The following CREB5 variants were observed in gnomAD, a reference collection of about 807,000 sequenced individuals.
CREB5 encodes cAMP responsive element binding protein 5, also known as cyclic AMP-responsive element-binding protein 5.
CREB5 carries 19 observed loss-of-function variants against 57.1 expected under a neutral mutation model. That is an observed-to-expected ratio of 0.33 (90% CI 0.23 to 0.49). CREB5 has a LOEUF of 0.49. Ranked by LOEUF, CREB5 falls within the 20% of genes least tolerant of loss-of-function variation. The pLI is 0.99. For missense variants in CREB5, 579 were observed against 671.6 expected (o/e 0.86, Z 1.52); for synonymous variants, 238 against 238.3 (o/e 1.00, Z 0.01).
chr7:28,656,191 A>G (rs1799327110), intron 5 of CREB5, among the ~76,000 whole-genome samples: 1 of 152,250 alleles, frequency 6.6e-6, no homozygotes. Flanking sequence ...AAAAAGGCAC[A>G]ATGAACAAAA....
At chr7:28,460,481 T>C (rs2128574853) in intron 1 of CREB5, among the ~76,000 whole-genome samples, 1 of 152,302 alleles carries the variant, frequency 6.6e-6, no homozygotes, top group East Asian at 1.9e-4. Flanking sequence ...GAACTAGAAT[T>C]GAAGCCCAGC....
intron 5 of CREB5, among the ~76,000 whole-genome samples, chr7:28,692,620 A>C (rs1801333534): frequency 6.6e-6 from 1 of 152,108 alleles, no homozygotes; most frequent in South Asian, 2.1e-4. Flanking sequence ...TAACCAGGCC[A>C]ACCTCGGGCA....
chr7:28,313,148 G>A (rs1253203358), intron 1 of CREB5, among the ~76,000 whole-genome samples: 1 of 152,154 alleles, frequency 6.6e-6, no homozygotes, highest in Non-Finnish European at 1.5e-5. Context: ...TTTCTAGTAT[G>A]TACGCAGCTG....
At chr7:28,324,535 T>C (rs924529869) in intron 1 of CREB5, among the ~76,000 whole-genome samples, 2 of 152,204 alleles carry the variant, frequency 1.3e-5, no homozygotes, top group Non-Finnish European at 2.9e-5. Flanking sequence ...AGCTATTCCT[T>C]CTGTCTCCTT....
chr7:28,751,993 T>C (rs1362337448), intron 7 of CREB5, among the ~76,000 whole-genome samples: 1 of 152,230 alleles, frequency 6.6e-6, no homozygotes, highest in East Asian at 1.9e-4. Flanking sequence ...CATGATTAAA[T>C]TGAAGTTATG....
At chr7:28,381,036 C>T (rs1786956834) in intron 1 of CREB5, among the ~76,000 whole-genome samples, 1 of 152,142 alleles carries the variant, frequency 6.6e-6, no homozygotes, top group African/African-American at 2.4e-5. Flanking sequence ...CACAGATGCT[C>T]ATTACATCCC....
chr7:28,525,144 T>A (rs992496338), intron 4 of CREB5, among the ~76,000 whole-genome samples: 4 of 152,210 alleles, frequency 2.6e-5, no homozygotes. Context: ...TCCATGTTGC[T>A]GTAAATGACA....
intron 5 of CREB5, among the ~76,000 whole-genome samples, chr7:28,629,923 A>G (rs1321851210): frequency 3.3e-5 from 5 of 152,208 alleles, no homozygotes; most frequent in African/African-American, 4.8e-5. Context: ...ATAGGCTTCT[A>G]TGGCACATTC....
chr7:28,386,306 G>C (rs1329797461), intron 1 of CREB5, among the ~76,000 whole-genome samples: 1 of 152,116 alleles, frequency 6.6e-6, no homozygotes, highest in African/African-American at 2.4e-5. Flanking sequence ...TTTTCTCTAT[G>C]TAAAATTCTA....
At chr7:28,357,497 A>G (rs186226802) in intron 1 of CREB5, among the ~76,000 whole-genome samples, 150 of 152,276 alleles carry the variant, frequency 9.9e-4, no homozygotes, top group African/African-American at 3.4e-3. Context: ...ATTGGATAAG[A>G]ATTCTATTAA....
At chr7:28,553,575 A>G (rs891384514) in intron 4 of CREB5, among the ~76,000 whole-genome samples, 3 of 152,216 alleles carry the variant, frequency 2.0e-5, no homozygotes, top group African/African-American at 7.2e-5. Context: ...ATATGAAACC[A>G]TAGAGGCAGT....
chr7:28,803,329 C>T (rs1808482798), intron 7 of CREB5, among the ~76,000 whole-genome samples: 1 of 152,200 alleles, frequency 6.6e-6, no homozygotes, highest in Admixed American at 6.5e-5. Flanking sequence ...ACCTCCGAAG[C>T]TTGTAAATTA....
chr7:28,367,215 C>T (rs1786605790), intron 1 of CREB5, among the ~76,000 whole-genome samples: 2 of 152,118 alleles, frequency 1.3e-5, no homozygotes, highest in South Asian at 4.1e-4. Context: ...CTTCATCAGT[C>T]CCAATGCTTC....
At chr7:28,420,978 T>G (rs1337034369) in intron 1 of CREB5, among the ~76,000 whole-genome samples, 2 of 152,216 alleles carry the variant, frequency 1.3e-5, no homozygotes, top group Non-Finnish European at 2.9e-5. Flanking sequence ...TTAATTTTTT[T>G]TTAATTTGCA....
intron 4 of CREB5, among the ~76,000 whole-genome samples, chr7:28,534,895 T>A (rs140794412): frequency 1.4e-5 from 2 of 141,972 alleles, no homozygotes; most frequent in East Asian, 2.0e-4. Flanking sequence ...AAGCCCAGGT[T>A]TGAACCTAAT....
intron 8 of CREB5, among the ~76,000 whole-genome samples, chr7:28,805,988 T>C (rs560936771): frequency 6.6e-6 from 1 of 151,950 alleles, no homozygotes; most frequent in South Asian, 2.1e-4. Flanking sequence ...TCAAACGCCA[T>C]ACTAGAACAT....
At chr7:28,653,004 C>T (rs540246778) in intron 5 of CREB5, among the ~76,000 whole-genome samples, 1 of 152,160 alleles carries the variant, frequency 6.6e-6, no homozygotes, top group South Asian at 2.1e-4. Flanking sequence ...AGCTCTGTAG[C>T]CACAGACATG....
intron 4 of CREB5, among the ~76,000 whole-genome samples, chr7:28,560,847 CGTGTGTGTGTGCGTGTGCCTGCGT>C (rs1795102959): frequency 4.7e-5 from 2 of 42,274 alleles, no homozygotes; most frequent in South Asian, 1.1e-3. Flanking sequence ...TGTGTGTGCG[CGTGTGTGTGTGCGTGTGCCTGCGT>C]GCGCGTGCGT....
chr7:28,560,849 T>TGTGCGTGCGCGTGCGTGTGCGCGTGC (rs1562797145), intron 4 of CREB5, among the ~76,000 whole-genome samples: 1 of 87,054 alleles, frequency 1.1e-5, no homozygotes, highest in Non-Finnish European at 2.3e-5. Flanking sequence ...TGTGTGCGCG[T>TGTGCGTGCGCGTGCGTGTGCGCGTGC]GTGTGTGTGC....
Sources: gnomAD v4.1 joint callset for allele counts (sites outside exome capture counted in the v4.1 genomes callset) on GRCh38, gnomAD v4.1.1 for gene constraint, MANE v1.5 for transcripts, NCBI Gene and HGNC (gene_info 2026-07-23, HGNC 2026-07-21) for gene names.